The following HERC3 variants were observed in gnomAD, a reference collection of about 807,000 sequenced individuals.
HERC3 encodes the protein probable E3 ubiquitin-protein ligase HERC3.
In HERC3, 58 loss-of-function variants were observed where a neutral mutation model predicts 129.9. The observed-to-expected ratio is 0.45, with a 90% CI of 0.36 to 0.56. HERC3 has a LOEUF of 0.56. Ranked by LOEUF, HERC3 falls within the 20% of genes least tolerant of loss-of-function variation. The probability of loss-of-function intolerance (pLI) is 0.00; values close to 1 mark genes in which losing one functional copy is unlikely to be tolerated. For synonymous variants in HERC3, 430 were observed against 451.0 expected, an observed-to-expected ratio of 0.95 and a Z score of 0.59; for missense variants, 835 against 1,244.2, an observed-to-expected ratio of 0.67 and a Z score of 4.95.
chr4:88,622,013 T>C (rs1162694644), intron 3 of HERC3, among the ~76,000 whole-genome samples: 2 of 152,212 alleles, frequency 1.3e-5, no homozygotes, highest in East Asian at 3.8e-4. Context: ...TACCACATGA[T>C]TTACCCATTT....
At chr4:88,540,427 C>A in the HERC3 span, among the ~76,000 whole-genome samples, 1 of 152,048 alleles carries the variant, frequency 6.6e-6, no homozygotes, top group African/African-American at 2.4e-5. Flanking sequence ...ACAAAGCATC[C>A]GAGAAATATG....
chr4:88,582,402 C>T, the HERC3 span, among the ~76,000 whole-genome samples: 3 of 152,148 alleles, frequency 2.0e-5, no homozygotes, highest in African/African-American at 7.2e-5. Flanking sequence ...CTGAGTGCTT[C>T]GAACAAAAGA....
the HERC3 span, among the ~76,000 whole-genome samples, chr4:88,551,078 C>T: frequency 1.9e-3 from 282 of 148,702 alleles, no homozygotes; most frequent in African/African-American, 6.8e-3. Flanking sequence ...AACTGGCTAG[C>T]CATATGTAGA....
the HERC3 span, among the ~76,000 whole-genome samples, chr4:88,545,236 A>G: frequency 6.6e-6 from 1 of 152,118 alleles, no homozygotes; most frequent in South Asian, 2.1e-4. Context: ...TACCCCAGCC[A>G]TAAATATATG....
Position 88,694,487 on chromosome 4 carries a change from G to T in HERC3, c.2657+7188G>T, listed in dbSNP as rs73841643. Among the ~76,000 whole-genome samples the T allele has an allele frequency of 7.6e-3, 1,153 of 152,042 alleles. 11 individuals are homozygous for T. Among genetic ancestry groups the T allele is most frequent in the African/African-American group, 0.026 (1,064 of 41,434 alleles). ...GTTGTCATGTGTGTTATTTCTTTTGGTCTTATACCACTCTAATCCTAGCCA... is the reference window on the plus strand; with the variant it reads ...GTTGTCATGTGTGTTATTTCTTTTGTTCTTATACCACTCTAATCCTAGCCA... On this transcript the variant is annotated intron_variant, in intron 23 of 25. Coordinates refer to ENST00000402738, the MANE Select transcript of HERC3 (RefSeq NM_014606.3).
At chr4:88,654,387 T>TATATATACAC (rs1321614619) in intron 7 of HERC3, among the ~76,000 whole-genome samples, 8 of 94,316 alleles carry the variant, frequency 8.5e-5, no homozygotes, top group African/African-American at 2.6e-4. Flanking sequence ...TATATATATA[T>TATATATACAC]ACACACACAC....
Position 88,645,071 on chromosome 4 carries a change from G to A in HERC3, c.227-4769G>A, listed in dbSNP as rs1578231696. Among the ~76,000 whole-genome samples the A allele has an allele frequency of 3.3e-5, 5 of 152,240 alleles. 1 individual carries two copies. The highest frequency in any genetic ancestry group is 3.3e-4 in the Admixed American group (5 of 15,286). On this transcript the variant is annotated intron_variant, in intron 3 of 25. Transcript: ENST00000402738. Reference sequence around the variant, plus strand: ...GATGTACAATATTTTGTTTTGAGCGGTTTGCCGAGATACAGTGTATCTCCA... The same window carrying A: ...GATGTACAATATTTTGTTTTGAGCGATTTGCCGAGATACAGTGTATCTCCA...
chr4:88,601,437 G>A (rs937164129), intron 2 of HERC3, among the ~76,000 whole-genome samples: 3 of 152,242 alleles, frequency 2.0e-5, no homozygotes, highest in African/African-American at 4.8e-5. Context: ...GGAGAAAAGA[G>A]TTTGTCATTT....
At chr4:88,603,210 T>C (rs1723215014) in intron 2 of HERC3, among the ~76,000 whole-genome samples, 1 of 150,780 alleles carries the variant, frequency 6.6e-6, no homozygotes, top group African/African-American at 2.4e-5. Flanking sequence ...TTCTCTTTTT[T>C]TTTTTTTTTT....
the HERC3 span, among the ~76,000 whole-genome samples, chr4:88,549,565 T>G: frequency 6.6e-6 from 1 of 152,178 alleles, no homozygotes; most frequent in African/African-American, 2.4e-5. Context: ...GCATGTGGTT[T>G]TTGATTTTCT....
At chr4:88,660,149 C>G (rs1487084550) in intron 10 of HERC3, among the ~76,000 whole-genome samples, 2 of 152,022 alleles carry the variant, frequency 1.3e-5, no homozygotes, top group East Asian at 3.9e-4. Flanking sequence ...ATATGCTTAC[C>G]CTGTTACCAT....
intron 3 of HERC3, among the ~76,000 whole-genome samples, chr4:88,619,251 G>T (rs1725250369): frequency 6.6e-6 from 1 of 152,138 alleles, no homozygotes; most frequent in Non-Finnish European, 1.5e-5. Context: ...TGTGTAATTT[G>T]CATATTTATA....
At chr4:88,549,703 C>CTT in the HERC3 span, among the ~76,000 whole-genome samples, 1 of 147,342 alleles carries the variant, frequency 6.8e-6, no homozygotes. Context: ...TTTTCTTTTT[C>CTT]TTTTTCTTTT....
At chr4:88,616,221 G>A (rs922334577) in intron 3 of HERC3, among the ~76,000 whole-genome samples, 5 of 152,222 alleles carry the variant, frequency 3.3e-5, no homozygotes, top group Middle Eastern at 6.8e-3. Flanking sequence ...CTCATGAAAA[G>A]TACCTTACAT....
At chr4:88,667,793 A>G (rs1731203122) in intron 13 of HERC3, 99 bp from the exon 14 acceptor site, 1 of 869,296 alleles carries the variant, frequency 1.2e-6, no homozygotes, top group Non-Finnish European at 1.8e-6. Context: ...TAGTGAATGA[A>G]TGAGAGTTGA....
rs1187602037 is a variant in HERC3, at chr4:88,619,458, CT to C, written c.226+13410del. On this transcript the variant is annotated intron_variant, in intron 3 of 25. Transcript: ENST00000402738. ...GCATACAGAACTAGACTCCCTACCTCTCTCCATATTCTAAAGTAAATTCCAG... is the reference window on the plus strand; with the variant it reads ...GCATACAGAACTAGACTCCCTACCTCCTCCATATTCTAAAGTAAATTCCAG... 1.3e-5 allele frequency among the ~76,000 whole-genome samples: 2 copies of C among 152,130 alleles called. 1 individual carries two copies. The highest frequency in any genetic ancestry group is 4.8e-5 in the African/African-American group (2 of 41,406).
the HERC3 span, among the ~76,000 whole-genome samples, chr4:88,526,692 C>T: frequency 6.6e-6 from 1 of 152,012 alleles, no homozygotes; most frequent in East Asian, 1.9e-4. Flanking sequence ...CATGCCACCA[C>T]ACCCAGCTAA....
chr4:88,664,945 C>T (rs923984484), intron 12 of HERC3, among the ~76,000 whole-genome samples: 1 of 152,152 alleles, frequency 6.6e-6, no homozygotes, highest in Non-Finnish European at 1.5e-5. Context: ...GAACCTGATG[C>T]AGCAAAAGAG....
rs1272495957 is a variant in HERC3 at position 88,670,171 on chromosome 4, T to C, written c.1830T>C (p.Asp610=). The C allele has an allele frequency of 6.2e-7, 1 of 1,613,314 alleles. No individual in the cohort carries two copies. Among genetic ancestry groups the C allele is most frequent in the East Asian group, 2.2e-5 (1 of 44,858 alleles). Residue 610 remains aspartate, a synonymous_variant, in exon 16 of 26, where the codon GAT becomes GAC. Coordinates refer to ENST00000402738, the MANE Select transcript of HERC3 (RefSeq NM_014606.3). ...VNLKVKHVEY[D]TFYIPEISNL... is the part of the protein sequence containing the mutation. ...TTAAAGTGAAGCATGTGGAATATGA[T>C]ACATTTTACATTCCTGAGATTTCCA...
Sources: allele counts gnomAD v4.1 joint callset (sites outside exome capture counted in the v4.1 genomes callset), GRCh38; gene constraint gnomAD v4.1.1; transcripts MANE v1.5; gene names NCBI Gene and HGNC (gene_info 2026-07-23, HGNC 2026-07-21).